KIF3B: variants seen among roughly 807,000 people sequenced by gnomAD.
The protein encoded by KIF3B is kinesin-like protein KIF3B.
KIF3B carries 38 observed loss-of-function variants against 74.3 expected under a neutral mutation model. The observed-to-expected ratio is 0.51, with a 90% CI of 0.39 to 0.67. KIF3B has a LOEUF of 0.67. Among genes scored for constraint, KIF3B ranks in the 30% least tolerant of loss-of-function variants. The pLI is 0.00. For missense variants in KIF3B, 649 were observed against 932.0 expected, an observed-to-expected ratio of 0.70 and a Z score of 3.95; for synonymous variants, 326 against 342.5, an observed-to-expected ratio of 0.95 and a Z score of 0.53.
chr20:32,328,397 C>G (rs1371412542), intron 7 of KIF3B, among the ~76,000 whole-genome samples: 3 of 151,318 alleles, frequency 2.0e-5, no homozygotes, highest in African/African-American at 7.3e-5. Context: ...GCATTCCAGC[C>G]TGGGCAACAG....
At chr20:32,297,700 A>G (rs2047722852) in intron 1 of KIF3B, among the ~76,000 whole-genome samples, 1 of 152,158 alleles carries the variant, frequency 6.6e-6, no homozygotes, top group African/African-American at 2.4e-5. Flanking sequence ...CATGCTAGAT[A>G]TGAAACAGGA....
Position 32,316,601 on chromosome 20 carries a change from C to CAGCT in KIF3B, c.1582_1585dup (p.Ser529Ter). The CAGCT allele has an allele frequency of 6.2e-7, 1 of 1,614,118 alleles. No individual in the cohort carries two copies. Among genetic ancestry groups the CAGCT allele is most frequent in the Non-Finnish European group, 8.5e-7 (1 of 1,180,016 alleles). On this transcript the variant is annotated frameshift_variant, in exon 4 of 9. Coordinates refer to ENST00000375712, the MANE Select transcript of KIF3B (RefSeq NM_004798.4). LOFTEE classifies it high-confidence loss of function. ...AGACCTTGGAACTTAAAGAGACATA[C>CAGCT]AGCTCATTGCAGCAAGAGGTGGACA... is the stretch of plus-strand genomic sequence containing the variant.
At position 32,293,651 on chromosome 20, in the gene KIF3B, G is replaced by T. The variant is rs141681090; in HGVS notation, c.-66+15886G>T. Among the ~76,000 whole-genome samples, 105 of 152,058 alleles carry T rather than the reference G, an allele frequency of 6.9e-4. No homozygotes were observed. In the Middle Eastern group the frequency reaches 0.017, roughly 25 times the overall value. Reference sequence around the variant, plus strand: ...AAAACAACACAAAATGAGTTGGGGGGCGGGGAGAAGGAGTTCTCCAAGATT... The same window carrying T: ...AAAACAACACAAAATGAGTTGGGGGTCGGGGAGAAGGAGTTCTCCAAGATT... On this transcript the variant is annotated intron_variant, in intron 1 of 8. Coordinates refer to ENST00000375712, the MANE Select transcript of KIF3B (RefSeq NM_004798.4).
intron 5 of KIF3B, among the ~76,000 whole-genome samples, chr20:32,323,468 C>A (rs547696652): frequency 1.3e-5 from 2 of 151,894 alleles, no homozygotes; most frequent in African/African-American, 4.8e-5. Flanking sequence ...GGCGCGGTCT[C>A]GGCTCACTGC....
chr20:32,329,298 C>T (rs1438118746), intron 7 of KIF3B, among the ~76,000 whole-genome samples: 1 of 152,076 alleles, frequency 6.6e-6, no homozygotes, highest in Admixed American at 6.5e-5. Flanking sequence ...CCGCCTTAGC[C>T]TCCCAAAGTG....
At chr20:32,291,276 T>A (rs917709897) in intron 1 of KIF3B, among the ~76,000 whole-genome samples, 20 of 152,276 alleles carry the variant, frequency 1.3e-4, no homozygotes, top group African/African-American at 2.6e-4. Context: ...ACTGTAATTT[T>A]AAAAAAATTT....
chr20:32,303,622 C>T (rs2047754887), intron 1 of KIF3B, among the ~76,000 whole-genome samples: 1 of 151,342 alleles, frequency 6.6e-6, no homozygotes, highest in Admixed American at 6.6e-5. Context: ...AATCCCAGCA[C>T]TTTGGGAGGC....
chr20:32,317,561 C>T (rs2047834319), intron 5 of KIF3B, among the ~76,000 whole-genome samples: 1 of 151,812 alleles, frequency 6.6e-6, no homozygotes, highest in Non-Finnish European at 1.5e-5. Context: ...CTATCTTTCA[C>T]AAAAATATTT....
chr20:32,318,220 T>C (rs1010674451), intron 5 of KIF3B, among the ~76,000 whole-genome samples: 2 of 151,770 alleles, frequency 1.3e-5, no homozygotes, highest in Non-Finnish European at 2.9e-5. Context: ...GAGAATCTCT[T>C]GAACCTGGGA....
intron 1 of KIF3B, among the ~76,000 whole-genome samples, chr20:32,285,051 C>CA (rs1362838437): frequency 7.2e-6 from 1 of 138,060 alleles, no homozygotes; most frequent in Non-Finnish European, 1.5e-5. Context: ...GCTGTCTTGT[C>CA]AAAGGCCTTT....
At chr20:32,280,080 C>T (rs1366954005) in intron 1 of KIF3B, among the ~76,000 whole-genome samples, 1 of 152,162 alleles carries the variant, frequency 6.6e-6, no homozygotes, top group Non-Finnish European at 1.5e-5. Flanking sequence ...GGTATAGTTT[C>T]CTCATCTGTA....
intron 1 of KIF3B, among the ~76,000 whole-genome samples, chr20:32,305,635 T>G (rs1005708748): frequency 1.7e-4 from 24 of 139,822 alleles, no homozygotes; most frequent in Non-Finnish European, 3.5e-4. Flanking sequence ...CAGACTGGAG[T>G]GCAATGGCAC....
intron 5 of KIF3B, among the ~76,000 whole-genome samples, chr20:32,321,718 AT>A (rs2047860748): frequency 6.6e-6 from 1 of 152,092 alleles, no homozygotes; most frequent in Non-Finnish European, 1.5e-5. Context: ...TTTTCTACAA[AT>A]TGAAGGTTTG....
chr20:32,320,019 C>T (rs568835352), intron 5 of KIF3B, among the ~76,000 whole-genome samples: 2 of 152,032 alleles, frequency 1.3e-5, no homozygotes, highest in Non-Finnish European at 1.5e-5. Context: ...TTCAGCCTCC[C>T]GAGTAGCTGG....
At chr20:32,299,552 C>T (rs1023754533) in intron 1 of KIF3B, among the ~76,000 whole-genome samples, 1 of 150,288 alleles carries the variant, frequency 6.7e-6, no homozygotes, top group African/African-American at 2.4e-5. Flanking sequence ...GCTGGGATTA[C>T]AGCGCATCGC....
intron 1 of KIF3B, among the ~76,000 whole-genome samples, chr20:32,281,178 C>T (rs2047641354): frequency 6.6e-6 from 1 of 152,190 alleles, no homozygotes; most frequent in Non-Finnish European, 1.5e-5. Flanking sequence ...TGCTTTTACT[C>T]ATTTAATCTT....
chr20:32,314,797 C>T (rs947835235), intron 2 of KIF3B, among the ~76,000 whole-genome samples: 2 of 152,146 alleles, frequency 1.3e-5, no homozygotes, highest in Admixed American at 6.6e-5. Context: ...ATCTGTATAT[C>T]TAGCCTAGCA....
intron 7 of KIF3B, among the ~76,000 whole-genome samples, chr20:32,328,929 A>T (rs1311383232): frequency 6.6e-6 from 1 of 152,124 alleles, no homozygotes; most frequent in Non-Finnish European, 1.5e-5. Context: ...TTGTTTTGAG[A>T]TGGAGTCTCG....
At chr20:32,278,330 A>AC (rs2047626200) in intron 1 of KIF3B, among the ~76,000 whole-genome samples, 1 of 152,056 alleles carries the variant, frequency 6.6e-6, no homozygotes, top group Admixed American at 6.6e-5. Context: ...GGCCCTGGGC[A>AC]AGTTAATTTC....
Sources: gnomAD v4.1 joint callset for allele counts (sites outside exome capture counted in the v4.1 genomes callset) on GRCh38, gnomAD v4.1.1 for gene constraint, MANE v1.5 for transcripts, NCBI Gene and HGNC (gene_info 2026-07-23, HGNC 2026-07-21) for gene names.